FAM83A: variants seen among roughly 807,000 people sequenced by gnomAD.
FAM83A encodes the protein scaffolding CK1 anchoring protein A, also known as protein FAM83A.
In FAM83A, 21 loss-of-function variants were observed where a neutral mutation model predicts 24.4. The ratio of observed to expected loss-of-function variants is 0.86; its 90% confidence interval spans 0.61 to 1.24. The LOEUF is 1.24. Among genes scored for constraint, FAM83A ranks in the 50% most tolerant of loss-of-function variants. The pLI, the probability that FAM83A is intolerant of heterozygous loss-of-function variation, is 0.00. For missense variants in FAM83A, 617 were observed against 579.8 expected (o/e 1.06, Z -0.66); for synonymous variants, 270 against 252.4 (o/e 1.07, Z -0.66).
At chr8:123,202,412 G>A (rs1418255929) in intron 3 of FAM83A, 1 of 153,208 alleles carries the variant, frequency 6.5e-6, no homozygotes, top group African/African-American at 2.4e-5. Flanking sequence ...TTGCCTCAGA[G>A]ACCTCTGATC....
intron 1 of FAM83A, among the ~76,000 whole-genome samples, chr8:123,188,679 C>T (rs1563781429): frequency 1.3e-5 from 2 of 152,200 alleles, no homozygotes; most frequent in Admixed American, 6.5e-5. Flanking sequence ...GATGGGGTTT[C>T]GCCAAGTTGC....
chr8:123,193,930 T>A, intron 2 of FAM83A, 94 bp from the exon 3 acceptor site: 2 of 1,491,160 alleles, frequency 1.3e-6, no homozygotes, highest in South Asian at 2.5e-5. Context: ...CAACACAGAA[T>A]GGGGGTAAAG....
chr8:123,207,755 C>G, exon 4 of FAM83A: 2 of 1,412,192 alleles, frequency 1.4e-6, no homozygotes, highest in Non-Finnish European at 1.8e-6. Flanking sequence ...AAAGACCCAC[C>G]TCAACGACGA....
chr8:123,190,913 C>T (rs747782161), intron 1 of FAM83A, among the ~76,000 whole-genome samples: 10 of 152,182 alleles, frequency 6.6e-5, no homozygotes, highest in Admixed American at 1.3e-4. Context: ...AGAAAGAACA[C>T]CTCCTTTTCC....
chr8:123,206,796 A>G (rs1304356313), intron 3 of FAM83A, among the ~76,000 whole-genome samples: 1 of 152,106 alleles, frequency 6.6e-6, no homozygotes, highest in Non-Finnish European at 1.5e-5. Flanking sequence ...GCCCAAGAGG[A>G]GGGGCAGTGG....
chr8:123,202,286 G>A (rs1824387767), intron 3 of FAM83A: 1 of 152,880 alleles, frequency 6.5e-6, no homozygotes, highest in Non-Finnish European at 1.5e-5. Flanking sequence ...AGTCTTTCAT[G>A]CTCTTTCGAG....
At chr8:123,182,773 C>T (rs1823639812) in exon 1 of FAM83A, 4 of 1,494,726 alleles carry the variant, frequency 2.7e-6, no homozygotes, top group African/African-American at 2.8e-5. Context: ...GAGCCCCACT[C>T]CTCCGTGGTG....
intron 3 of FAM83A, among the ~76,000 whole-genome samples, chr8:123,194,954 G>GTC (rs1824098957): frequency 6.6e-6 from 1 of 152,210 alleles, no homozygotes; most frequent in African/African-American, 2.4e-5. Flanking sequence ...TTCTAACAAT[G>GTC]CTACCTTGCC....
intron 3 of FAM83A, among the ~76,000 whole-genome samples, chr8:123,198,122 C>T (rs1824223413): frequency 6.6e-6 from 1 of 152,052 alleles, no homozygotes; most frequent in Non-Finnish European, 1.5e-5. Context: ...CAGAGTGAGA[C>T]TCTCCCTTAA....
chr8:123,186,029 T>G (rs566277869), intron 1 of FAM83A, among the ~76,000 whole-genome samples: 2 of 152,224 alleles, frequency 1.3e-5, no homozygotes, highest in East Asian at 3.9e-4. Flanking sequence ...GACCTCATGA[T>G]CCACCCACCT....
At chr8:123,182,590 G>A, upstream of FAM83A, 5 of 664,018 alleles carry the variant, frequency 7.5e-6, no homozygotes, top group Non-Finnish European at 1.4e-5. Context: ...CCAAGGAGGT[G>A]TCTGAGCCAG....
At chr8:123,181,241 C>A (rs1317768455), upstream of FAM83A, among the ~76,000 whole-genome samples, 3 of 152,194 alleles carry the variant, frequency 2.0e-5, no homozygotes, top group Admixed American at 6.5e-5. Context: ...GTCACTGCAC[C>A]CAGCCGCGCC....
At chr8:123,204,786 C>G (rs1034337889) in intron 3 of FAM83A, among the ~76,000 whole-genome samples, 1 of 148,608 alleles carries the variant, frequency 6.7e-6, no homozygotes, top group Non-Finnish European at 1.5e-5. Context: ...AAAGGAAACG[C>G]CTCTCTGCTC....
chr8:123,208,982 G>A (rs1337215386), exon 4 of FAM83A: 2 of 972,182 alleles, frequency 2.1e-6, no homozygotes, highest in East Asian at 1.1e-4. Flanking sequence ...AAAAAAAAAA[G>A]AGAGAGAGCA....
chr8:123,199,559 AC>A (rs1824277381), intron 3 of FAM83A, among the ~76,000 whole-genome samples: 1 of 152,054 alleles, frequency 6.6e-6, no homozygotes. Flanking sequence ...ACATGGAGAA[AC>A]CCCATCTCTA....
chr8:123,188,515 GCT>G (rs1156525648), intron 1 of FAM83A, among the ~76,000 whole-genome samples: 1 of 146,106 alleles, frequency 6.8e-6, no homozygotes, highest in African/African-American at 2.5e-5. Flanking sequence ...ACAGGGTCTT[GCT>G]CTGTCACCCA....
chr8:123,180,927 A>ATTT (rs199948284), upstream of FAM83A, among the ~76,000 whole-genome samples: 828 of 151,560 alleles, frequency 5.5e-3, 8 homozygotes, highest in African/African-American at 0.019. Context: ...GATTCCTTTT[A>ATTT]TTTTATATTA....
upstream of FAM83A, chr8:123,182,297 C>T: frequency 2.8e-6 from 1 of 362,634 alleles, no homozygotes; most frequent in South Asian, 2.0e-5. Flanking sequence ...GTCCAGCTCC[C>T]TCCTCACACA....
At chr8:123,180,669 G>C (rs1312418575), upstream of FAM83A, 2 of 152,524 alleles carry the variant, frequency 1.3e-5, no homozygotes, top group African/African-American at 4.8e-5. Context: ...GACCAGACCA[G>C]AGAGGAAGGA....
Sources: gnomAD v4.1 joint callset for allele counts (sites outside exome capture counted in the v4.1 genomes callset) on GRCh38, gnomAD v4.1.1 for gene constraint, MANE v1.5 for transcripts, NCBI Gene and HGNC (gene_info 2026-07-23, HGNC 2026-07-21) for gene names.